TUSC3: variants seen among roughly 807,000 people sequenced by gnomAD.
TUSC3 encodes the protein tumor suppressor candidate 3, also known as dolichyl-diphosphooligosaccharide--protein glycosyltransferase subunit TUSC3.
Under a neutral mutation model 44.8 loss-of-function variants are expected in TUSC3, and 45 were observed. The ratio of observed to expected loss-of-function variants is 1.00; its 90% CI spans 0.79 to 1.29. The LOEUF is 1.29. TUSC3 is among the 50% of genes most tolerant of loss of function. TUSC3 has a pLI of 0.00. For synonymous variants in TUSC3, 212 were observed against 152.9 expected (o/e 1.39, Z -2.85); for missense variants, 519 against 437.9 (o/e 1.19, Z -1.65).
At chr8:15,749,955 T>C (rs1174182214) in intron 9 of TUSC3, among the ~76,000 whole-genome samples, 1 of 149,854 alleles carries the variant, frequency 6.7e-6, no homozygotes, top group Non-Finnish European at 1.5e-5. Flanking sequence ...TATGAAAAGA[T>C]AAACTATACA....
rs552226709 is a variant in TUSC3, at chr8:15,462,048, T to A, written n.92-21338T>A. Among the ~76,000 whole-genome samples, 6 of 152,200 alleles carry A rather than the reference T, an allele frequency of 3.9e-5. 1 individual carries two copies. Among genetic ancestry groups the A allele is most frequent in the African/African-American group, 1.4e-4 (6 of 41,550 alleles). Reference sequence around the variant, plus strand: ...TGAGCAAGTCATAAGACCCCTGGATTCTGTGAAATATCAATCATTCTTTAA... The same window carrying A: ...TGAGCAAGTCATAAGACCCCTGGATACTGTGAAATATCAATCATTCTTTAA... On this transcript the variant is annotated intron_variant and non_coding_transcript_variant, in intron 1 of 5. Coordinates refer to the TUSC3 transcript ENST00000503191.
chr8:15,747,120 C>G (rs1319135140), intron 8 of TUSC3, among the ~76,000 whole-genome samples: 1 of 151,972 alleles, frequency 6.6e-6, no homozygotes, highest in Admixed American at 6.6e-5. Flanking sequence ...AAAATTGACA[C>G]ATTTGCAGAC....
the TUSC3 span, among the ~76,000 whole-genome samples, chr8:15,834,825 G>T: frequency 6.6e-6 from 1 of 152,054 alleles, no homozygotes; most frequent in Non-Finnish European, 1.5e-5. Flanking sequence ...GAACAACAAG[G>T]GTTTTTACAG....
chr8:15,530,130 G>A (rs1801431254), intron 2 of TUSC3, among the ~76,000 whole-genome samples: 2 of 151,912 alleles, frequency 1.3e-5, no homozygotes, highest in South Asian at 4.2e-4. Context: ...ACAGTACCTG[G>A]AATATGGGGC....
intron 2 of TUSC3, among the ~76,000 whole-genome samples, chr8:15,514,175 T>C (rs1585072075): frequency 6.6e-6 from 1 of 152,050 alleles, no homozygotes. Context: ...TTTAAGGGAG[T>C]GTTGTGCTCT....
intron 2 of TUSC3, among the ~76,000 whole-genome samples, chr8:15,523,768 A>C (rs552356030): frequency 6.8e-6 from 1 of 148,012 alleles, no homozygotes; most frequent in South Asian, 2.1e-4. Flanking sequence ...TTAGAAAGTA[A>C]AAATAGAGGC....
the TUSC3 span, among the ~76,000 whole-genome samples, chr8:15,796,598 C>T: frequency 6.6e-6 from 1 of 152,202 alleles, no homozygotes; most frequent in Non-Finnish European, 1.5e-5. Context: ...TTCAACTCAG[C>T]CAAACCATCA....
intron 1 of TUSC3, among the ~76,000 whole-genome samples, chr8:15,451,401 G>C (rs1800195781): frequency 6.6e-6 from 1 of 152,078 alleles, no homozygotes; most frequent in Non-Finnish European, 1.5e-5. Context: ...TCTCAGAGGG[G>C]AGAGGGGCTG....
At chr8:15,782,499 G>A in the TUSC3 span, among the ~76,000 whole-genome samples, 4 of 152,012 alleles carry the variant, frequency 2.6e-5, no homozygotes, top group Non-Finnish European at 5.9e-5. Context: ...GAAAATACTA[G>A]CAAAGTGAAT....
intron 1 of TUSC3, among the ~76,000 whole-genome samples, chr8:15,613,066 T>TAC (rs1830709689): frequency 6.8e-6 from 1 of 146,204 alleles, no homozygotes; most frequent in African/African-American, 2.5e-5. Flanking sequence ...ATATATATGA[T>TAC]ATATATATAT....
At chr8:15,663,349 A>G (rs1056583935) in intron 5 of TUSC3, among the ~76,000 whole-genome samples, 3 of 151,848 alleles carry the variant, frequency 2.0e-5, no homozygotes, top group African/African-American at 7.2e-5. Context: ...ACAATGTATT[A>G]TATCTGTAAA....
At chr8:15,574,988 G>A (rs1803037024) in intron 1 of TUSC3, among the ~76,000 whole-genome samples, 1 of 151,916 alleles carries the variant, frequency 6.6e-6, no homozygotes, top group African/African-American at 2.4e-5. Flanking sequence ...TTAACTTTGG[G>A]GTGGTTCTTT....
At chr8:15,500,747 A>G (rs1800951022) in intron 2 of TUSC3, among the ~76,000 whole-genome samples, 1 of 152,204 alleles carries the variant, frequency 6.6e-6, no homozygotes, top group Non-Finnish European at 1.5e-5. Flanking sequence ...AAACATCAGT[A>G]GATAAATCAT....
intron 2 of TUSC3, among the ~76,000 whole-genome samples, chr8:15,636,915 G>T (rs901194380): frequency 7.2e-5 from 11 of 152,170 alleles, no homozygotes; most frequent in South Asian, 2.1e-4. Flanking sequence ...TTTATTTGGT[G>T]CTGGTGAGAT....
chr8:15,737,850 C>T (rs1189291166), intron 7 of TUSC3, among the ~76,000 whole-genome samples: 1 of 152,072 alleles, frequency 6.6e-6, no homozygotes, highest in Non-Finnish European at 1.5e-5. Flanking sequence ...TAGCTTCTTC[C>T]TGCATATAAA....
chr8:15,638,515 C>CTTTTTTTTTTTTTT lies in TUSC3; in HGVS notation c.309-12171_309-12158dup, dbSNP rs547743726. On this transcript the variant is annotated intron_variant, in intron 2 of 10. Transcript: ENST00000503731. ...AGACAAACTTTTTTTTTCTTTTTTTCTTTTTTTTTTTTTTTTTTTTTTTTG... is the reference window on the plus strand; with the variant it reads ...AGACAAACTTTTTTTTTCTTTTTTTCTTTTTTTTTTTTTTTTTTTTTTTTTTTTTTTTTTTTTTG... 2.0e-4 allele frequency among the ~76,000 whole-genome samples: 16 copies of CTTTTTTTTTTTTTT among 81,084 alleles called. 1 individual carries two copies. Among genetic ancestry groups the CTTTTTTTTTTTTTT allele is most frequent in the East Asian group, 1.2e-3 (3 of 2,434 alleles). 53.2% of individuals were successfully genotyped at this position (81,084 alleles called of 152,430 possible).
chr8:15,613,239 T>A (rs1350448710), intron 1 of TUSC3, among the ~76,000 whole-genome samples: 1 of 151,718 alleles, frequency 6.6e-6, no homozygotes, highest in Non-Finnish European at 1.5e-5. Context: ...AGTGCTTTTT[T>A]TTTTTAAGTA....
the TUSC3 span, among the ~76,000 whole-genome samples, chr8:15,790,051 A>AT: frequency 2.0e-5 from 3 of 151,988 alleles, no homozygotes; most frequent in African/African-American, 7.3e-5. Flanking sequence ...TGGCAGCCGT[A>AT]TTTATACTCA....
intron 1 of TUSC3, among the ~76,000 whole-genome samples, chr8:15,550,043 T>G (rs1351718575): frequency 1.3e-5 from 2 of 151,680 alleles, no homozygotes; most frequent in Admixed American, 1.3e-4. Context: ...ACGGGGTACG[T>G]GACTGGGGGC....
Sources: gnomAD v4.1 joint callset for allele counts (sites outside exome capture counted in the v4.1 genomes callset) on GRCh38, gnomAD v4.1.1 for gene constraint, MANE v1.5 for transcripts, NCBI Gene and HGNC (gene_info 2026-07-23, HGNC 2026-07-21) for gene names.